SGPP2: variants seen among roughly 807,000 people sequenced by gnomAD.
The protein encoded by SGPP2 is sphingosine 1-phosphate phosphohydrolase 2.
SGPP2 carries 30 observed loss-of-function variants against 33.9 expected under a neutral mutation model. That is an observed-to-expected ratio of 0.89 (90% confidence interval 0.66 to 1.20). The LOEUF (loss-of-function observed/expected upper bound fraction) is 1.20, where lower values mean the gene tolerates loss of function less well. Among genes scored for constraint, SGPP2 ranks in the 50% most tolerant of loss-of-function variants. The pLI is 0.00. For synonymous variants in SGPP2, 233 were observed against 225.0 expected (o/e 1.04, Z -0.32); for missense variants, 458 against 532.1 (o/e 0.86, Z 1.37).
intron 2 of SGPP2, among the ~76,000 whole-genome samples, chr2:222,509,835 T>C (rs1284419771): frequency 1.3e-5 from 2 of 152,304 alleles, no homozygotes; most frequent in East Asian, 1.9e-4. Flanking sequence ...TGTGTAACCA[T>C]CACCACTATC....
At chr2:222,540,431 A>T (rs1289297622) in intron 4 of SGPP2, among the ~76,000 whole-genome samples, 1 of 152,220 alleles carries the variant, frequency 6.6e-6, no homozygotes. Context: ...TACTGCATAA[A>T]TATCAGTGTA....
At chr2:222,473,390 A>G (rs538209849) in intron 1 of SGPP2, among the ~76,000 whole-genome samples, 1 of 152,274 alleles carries the variant, frequency 6.6e-6, no homozygotes, top group East Asian at 1.9e-4. Context: ...GCAGCTTAGC[A>G]TCTTCAAATC....
chr2:222,510,717 C>T (rs1698514333), intron 2 of SGPP2, among the ~76,000 whole-genome samples: 1 of 152,066 alleles, frequency 6.6e-6, no homozygotes, highest in South Asian at 2.1e-4. Context: ...TCATATGGAG[C>T]CTTTGCTCTT....
Position 222,500,327 on chromosome 2 carries a change from T to C in SGPP2, c.379-21440T>C, listed in dbSNP as rs6706136. ...GTCTTGATTCTGACTTCCAGCTGGA[T>C]GTCTCGTTTTCAGTTTTGAAGGAGA... On this transcript the variant is annotated intron_variant, in intron 2 of 4. Transcript: ENST00000321276. Among the ~76,000 whole-genome samples, 16 of 152,188 alleles carry C rather than the reference T, an allele frequency of 1.1e-4. No homozygotes were observed. The East Asian group carries it at 2.7e-3, about 26-fold the overall frequency.
intron 4 of SGPP2, among the ~76,000 whole-genome samples, chr2:222,547,315 T>C (rs1689219325): frequency 6.6e-6 from 1 of 152,196 alleles, no homozygotes; most frequent in African/African-American, 2.4e-5. Flanking sequence ...TTGTCAAAGA[T>C]GATGTTATAA....
chr2:222,457,985 A>G (rs546864913), intron 1 of SGPP2, among the ~76,000 whole-genome samples: 1 of 152,292 alleles, frequency 6.6e-6, no homozygotes, highest in African/African-American at 2.4e-5. Context: ...AAAGTCCAGG[A>G]TACGAACCCC....
In SGPP2 at chr2:222,477,124, T is replaced by G. The variant is rs985781888; in HGVS notation, c.378+2398T>G. ...GTATATAGGTGTGTATATATGTGTATGTGTGTGTATATAGGTGTGTATATA... is the reference window on the plus strand; with the variant it reads ...GTATATAGGTGTGTATATATGTGTAGGTGTGTGTATATAGGTGTGTATATA... On this transcript the variant is annotated intron_variant, in intron 2 of 4. Coordinates refer to ENST00000321276, the MANE Select transcript of SGPP2 (RefSeq NM_152386.4). The surrounding 1 kb of genome is among the most constrained non-coding windows in gnomAD (Gnocchi z 6.0). Among the ~76,000 whole-genome samples, 2 of 149,532 alleles carry G rather than the reference T, an allele frequency of 1.3e-5. No individual in the cohort carries two copies. Among genetic ancestry groups the G allele is most frequent in the African/African-American group, 4.9e-5 (2 of 40,954 alleles).
chr2:222,464,312 CTT>C (rs1368274851), intron 1 of SGPP2, among the ~76,000 whole-genome samples: 1 of 152,204 alleles, frequency 6.6e-6, no homozygotes, highest in East Asian at 1.9e-4. Flanking sequence ...GCCAATGTCT[CTT>C]ATTGTCTGTG....
rs147996792 is a variant in SGPP2 at position 222,557,155 on chromosome 2, A to G, written c.649-1192A>G. Among the ~76,000 whole-genome samples the G allele has an allele frequency of 2.1e-4, 32 of 152,150 alleles. No individual in the cohort carries two copies. In the South Asian group the frequency reaches 3.5e-3, roughly 17 times the overall value. On this transcript the variant is annotated intron_variant, in intron 4 of 4. Transcript: ENST00000321276. The stretch of plus-strand genomic sequence containing the variant: ...TGTTCACTCTCTCTCTCCAGCCCCC[A>G]GGGACCATCAAGATCCCTCACTGGC...
intron 2 of SGPP2, among the ~76,000 whole-genome samples, chr2:222,512,003 C>T (rs1309486003): frequency 7.9e-6 from 1 of 126,012 alleles, no homozygotes; most frequent in Non-Finnish European, 1.8e-5. Context: ...TTAAAATAAA[C>T]TTTTATTTAT....
In SGPP2 at chr2:222,559,836, A is replaced by G. The variant is rs1689504885; in HGVS notation, c.*938A>G. The G allele has an allele frequency of 6.6e-6, 1 of 152,374 alleles. No homozygotes were observed. Among genetic ancestry groups the G allele is most frequent in the African/African-American group, 2.4e-5 (1 of 41,454 alleles). The allele number at this position is 152,374 out of a possible 1,614,324, so 9.4% of individuals were successfully genotyped here. A position where few individuals can be genotyped will look rare whatever the true frequency, so the allele number is the denominator to read the frequency against. ...AAAGAAAGCTCACTGTGAAGAGATGAAAGGTGGAGGCAGAGCTGTGAGGTC... is the reference window on the plus strand; with the variant it reads ...AAAGAAAGCTCACTGTGAAGAGATGGAAGGTGGAGGCAGAGCTGTGAGGTC... On this transcript the variant is annotated 3_prime_UTR_variant, in exon 5 of 5. Transcript: ENST00000321276.
intron 4 of SGPP2, among the ~76,000 whole-genome samples, chr2:222,538,939 G>A (rs1289727531): frequency 6.6e-6 from 1 of 152,036 alleles, no homozygotes; most frequent in Non-Finnish European, 1.5e-5. Flanking sequence ...CATGAGATTT[G>A]GGCAGAAACA....
chr2:222,525,756 C>T (rs1698749037), intron 4 of SGPP2, among the ~76,000 whole-genome samples: 1 of 152,118 alleles, frequency 6.6e-6, no homozygotes, highest in Non-Finnish European at 1.5e-5. Context: ...AAGAAATGGG[C>T]CCTTGCTCAT....
intron 2 of SGPP2, among the ~76,000 whole-genome samples, chr2:222,487,088 A>G (rs1698122870): frequency 6.6e-6 from 1 of 152,206 alleles, no homozygotes; most frequent in African/African-American, 2.4e-5. Flanking sequence ...GAAATGACTT[A>G]TAACTCATGA....
intron 2 of SGPP2, among the ~76,000 whole-genome samples, chr2:222,498,719 G>T (rs953003680): frequency 6.6e-6 from 1 of 152,096 alleles, no homozygotes; most frequent in African/African-American, 2.4e-5. Flanking sequence ...ATGCAGGCAG[G>T]GTATAAAGTT....
intron 2 of SGPP2, among the ~76,000 whole-genome samples, chr2:222,511,272 G>A (rs532004309): frequency 3.3e-5 from 5 of 152,144 alleles, no homozygotes; most frequent in Non-Finnish European, 7.3e-5. Context: ...TGTCTGCCTG[G>A]GGTGAATGGT....
intron 4 of SGPP2, among the ~76,000 whole-genome samples, chr2:222,537,155 A>C (rs1698928403): frequency 6.6e-6 from 1 of 152,220 alleles, no homozygotes; most frequent in African/African-American, 2.4e-5. Flanking sequence ...CTGTTTCCAA[A>C]ACCATTTGGA....
At chr2:222,427,016 T>TA (rs1328644796) in intron 1 of SGPP2, among the ~76,000 whole-genome samples, 1 of 152,222 alleles carries the variant, frequency 6.6e-6, no homozygotes, top group Non-Finnish European at 1.5e-5. Flanking sequence ...CCTTCCAGCC[T>TA]AGCTCCCCCT....
At chr2:222,502,450 G>C (rs1242182610) in intron 2 of SGPP2, among the ~76,000 whole-genome samples, 3 of 152,136 alleles carry the variant, frequency 2.0e-5, no homozygotes, top group Non-Finnish European at 2.9e-5. Context: ...TTGGATTTCA[G>C]ATTTTTTCAG....
Sources: allele counts gnomAD v4.1 joint callset (sites outside exome capture counted in the v4.1 genomes callset), GRCh38; gene constraint gnomAD v4.1.1; non-coding constraint Gnocchi (gnomAD v3.1); transcripts MANE v1.5; gene names NCBI Gene and HGNC (gene_info 2026-07-23, HGNC 2026-07-21).